Variants in RAB27B observed in about 807,000 individuals in gnomAD.
RAB27B encodes the protein RAB27B, member RAS oncogene family.
Under a neutral mutation model 24.6 loss-of-function variants are expected in RAB27B, and 15 were observed. The ratio of observed to expected loss-of-function variants is 0.61; its 90% CI spans 0.41 to 0.94. The LOEUF (loss-of-function observed/expected upper bound fraction) is 0.94, where lower values mean the gene tolerates loss of function less well. Ranked by LOEUF, RAB27B falls within the 40% of genes least tolerant of loss-of-function variation. RAB27B has a pLI of 0.00. For synonymous variants in RAB27B, 105 were observed against 92.5 expected, an observed-to-expected ratio of 1.14 and a Z score of -0.78; for missense variants, 261 against 266.8, an observed-to-expected ratio of 0.98 and a Z score of 0.15.
At chr18:54,743,069 C>A (rs931691855) in intron 2 of RAB27B, among the ~76,000 whole-genome samples, 2 of 152,198 alleles carry the variant, frequency 1.3e-5, no homozygotes, top group African/African-American at 4.8e-5. Context: ...TCCTGTATAA[C>A]ATAATCTCAA....
chr18:54,858,528 T>TC (rs760508283), intron 1 of RAB27B, among the ~76,000 whole-genome samples: 3,967 of 152,036 alleles, frequency 0.026, 86 homozygotes, highest in Non-Finnish European at 0.039. Context: ...GGACTACAGG[T>TC]GCCTGCCAGT....
At chr18:54,842,961 AT>A (rs1911174610) in intron 1 of RAB27B, among the ~76,000 whole-genome samples, 1 of 151,822 alleles carries the variant, frequency 6.6e-6, no homozygotes, top group Non-Finnish European at 1.5e-5. Flanking sequence ...CGCCCAGCTA[AT>A]TTTTTTGTAT....
At chr18:54,823,118 C>T (rs1442800373) in intron 2 of RAB27B, among the ~76,000 whole-genome samples, 1 of 152,174 alleles carries the variant, frequency 6.6e-6, no homozygotes, top group Non-Finnish European at 1.5e-5. Context: ...TTATGAGCTA[C>T]ACATTTAAAG....
chr18:54,756,959 C>T (rs73959286), intron 2 of RAB27B, among the ~76,000 whole-genome samples: 8,002 of 152,166 alleles, frequency 0.053, 269 homozygotes, highest in South Asian at 0.085. Context: ...AGCTATTCCA[C>T]TTGGCAAACA....
intron 2 of RAB27B, among the ~76,000 whole-genome samples, chr18:54,789,642 A>G (rs1598905791): frequency 6.6e-6 from 1 of 152,174 alleles, no homozygotes; most frequent in South Asian, 2.1e-4. Context: ...GATGTTGCAA[A>G]TGACTACTGT....
At chr18:54,843,297 G>T (rs1233200468) in intron 1 of RAB27B, among the ~76,000 whole-genome samples, 3 of 152,098 alleles carry the variant, frequency 2.0e-5, no homozygotes, top group African/African-American at 7.2e-5. Flanking sequence ...GCCCTGTAGA[G>T]TTGATATTTG....
chr18:54,756,941 TC>T, intron 2 of RAB27B, among the ~76,000 whole-genome samples: 1 of 152,282 alleles, frequency 6.6e-6, no homozygotes, highest in East Asian at 1.9e-4. Context: ...TGGAAACAGA[TC>T]AACCAAAGCT....
intron 2 of RAB27B, among the ~76,000 whole-genome samples, chr18:54,727,225 C>T (rs186933625): frequency 7.9e-5 from 12 of 152,222 alleles, no homozygotes; most frequent in Admixed American, 2.0e-4. Context: ...CCGCCTGCCT[C>T]GGCCTTCCAA....
At chr18:54,873,566 G>A (rs1349273711) in intron 1 of RAB27B, among the ~76,000 whole-genome samples, 1 of 151,836 alleles carries the variant, frequency 6.6e-6, no homozygotes, top group African/African-American at 2.4e-5. Context: ...ATTTGCCAAG[G>A]CTTTTTTTTT....
Position 54,884,364 on chromosome 18 carries a change from G to A in RAB27B, c.271G>A (p.Asp91Asn). 1 of 1,612,798 alleles carries A rather than the reference G, an allele frequency of 6.2e-7. No homozygotes were observed. Reference sequence around the variant, plus strand: ...GAGTCTCACCACTGCATTTTTCAGAGACGCCATGGGCTTCTTATTAATGTT... The same window carrying A: ...GAGTCTCACCACTGCATTTTTCAGAAACGCCATGGGCTTCTTATTAATGTT... ...FRSLTTAFFR[D>N]AMGFLLMFDL... Residue 91 changes from aspartate to asparagine, a missense_variant, in exon 4 of 6, where the codon GAC becomes AAC. Coordinates refer to ENST00000262094, the MANE Select transcript of RAB27B (RefSeq NM_004163.4).
chr18:54,728,034 G>A (rs894971928), intron 2 of RAB27B, among the ~76,000 whole-genome samples: 71 of 152,056 alleles, frequency 4.7e-4, no homozygotes, highest in Non-Finnish European at 6.0e-4. Context: ...ATAAGAATAA[G>A]AGGACTTACA....
At chr18:54,836,687 A>G (rs1245811543) in intron 1 of RAB27B, among the ~76,000 whole-genome samples, 1 of 152,010 alleles carries the variant, frequency 6.6e-6, no homozygotes, top group Non-Finnish European at 1.5e-5. Flanking sequence ...TTCAGGAATC[A>G]TGTTTTCTAA....
At chr18:54,821,175 A>G (rs1183102316) in intron 2 of RAB27B, among the ~76,000 whole-genome samples, 1 of 152,214 alleles carries the variant, frequency 6.6e-6, no homozygotes, top group Non-Finnish European at 1.5e-5. Flanking sequence ...GCTGATAGGC[A>G]ACTTCCACAA....
At chr18:54,781,082 C>T (rs1908901712) in intron 2 of RAB27B, among the ~76,000 whole-genome samples, 1 of 152,164 alleles carries the variant, frequency 6.6e-6, no homozygotes, top group African/African-American at 2.4e-5. Context: ...AGCTGCCCTG[C>T]ATTATCTCTG....
chr18:54,760,870 T>C (rs1220088708), intron 2 of RAB27B, among the ~76,000 whole-genome samples: 1 of 152,134 alleles, frequency 6.6e-6, no homozygotes, highest in Non-Finnish European at 1.5e-5. Context: ...TACAGCTAGA[T>C]GAAAGGTCTT....
intron 4 of RAB27B, among the ~76,000 whole-genome samples, chr18:54,887,326 C>T (rs1265481640): frequency 6.6e-6 from 1 of 151,834 alleles, no homozygotes. Flanking sequence ...TGGTGTGAAG[C>T]AGTTATGGCC....
At chr18:54,887,871 C>A in intron 4 of RAB27B, 124 bp from the exon 5 acceptor site, 1 of 1,144,242 alleles carries the variant, frequency 8.7e-7, no homozygotes, top group Non-Finnish European at 1.2e-6. Context: ...GTAACTTGGC[C>A]AATATAACTA....
intron 1 of RAB27B, among the ~76,000 whole-genome samples, chr18:54,842,356 T>A (rs989271915): frequency 6.6e-6 from 1 of 152,246 alleles, no homozygotes; most frequent in African/African-American, 2.4e-5. Flanking sequence ...GAGGACTTAA[T>A]GAACTGCACC....
At chr18:54,799,478 A>G (rs1284847235) in intron 2 of RAB27B, among the ~76,000 whole-genome samples, 2 of 152,198 alleles carry the variant, frequency 1.3e-5, no homozygotes, top group South Asian at 2.1e-4. Context: ...ATTTAAATAT[A>G]TATGTTTCAG....
Sources: allele counts gnomAD v4.1 joint callset (sites outside exome capture counted in the v4.1 genomes callset), GRCh38; gene constraint gnomAD v4.1.1; transcripts MANE v1.5; gene names NCBI Gene and HGNC (gene_info 2026-07-23, HGNC 2026-07-21).